Variants in IQUB observed in about 807,000 individuals in gnomAD.
IQUB encodes the protein IQ motif and ubiquitin-like domain-containing protein.
In IQUB, 86 loss-of-function variants were observed where a neutral mutation model predicts 86.4. The ratio of observed to expected loss-of-function variants is 1.00; its 90% CI spans 0.84 to 1.19. The LOEUF is 1.19. IQUB is among the 50% of genes most tolerant of loss of function. The pLI is 0.00. For missense variants in IQUB, 946 were observed against 916.9 expected (o/e 1.03, Z -0.41); for synonymous variants, 289 against 304.5 (o/e 0.95, Z 0.53).
intron 1 of IQUB, among the ~76,000 whole-genome samples, chr7:123,533,107 A>C (rs1797622444): frequency 6.6e-6 from 1 of 152,198 alleles, no homozygotes; most frequent in South Asian, 2.1e-4. Context: ...GCGACATGGG[A>C]AGTCCGCCGG....
At chr7:123,508,728 C>T (rs890061384) in intron 3 of IQUB, among the ~76,000 whole-genome samples, 1 of 152,174 alleles carries the variant, frequency 6.6e-6, no homozygotes, top group Non-Finnish European at 1.5e-5. Context: ...TTCAAATTCC[C>T]TCTGGAGTCA....
intron 3 of IQUB, among the ~76,000 whole-genome samples, chr7:123,507,198 A>G (rs1796217841): frequency 6.6e-6 from 1 of 152,352 alleles, no homozygotes; most frequent in African/African-American, 2.4e-5. Context: ...TGACTTTATG[A>G]TGATGCAAAA....
At chr7:123,507,401 A>C (rs1796228709) in intron 3 of IQUB, among the ~76,000 whole-genome samples, 1 of 152,192 alleles carries the variant, frequency 6.6e-6, no homozygotes, top group Non-Finnish European at 1.5e-5. Context: ...TAAGCTATGA[A>C]GTTTGGTAGG....
chr7:123,468,996 A>G (rs1215943975), intron 9 of IQUB, among the ~76,000 whole-genome samples: 1 of 152,214 alleles, frequency 6.6e-6, no homozygotes, highest in Non-Finnish European at 1.5e-5. Flanking sequence ...ATATATTTGC[A>G]TTCATTGCAT....
At chr7:123,523,076 G>A (rs1796992857) in intron 1 of IQUB, among the ~76,000 whole-genome samples, 1 of 150,830 alleles carries the variant, frequency 6.6e-6, no homozygotes, top group African/African-American at 2.4e-5. Flanking sequence ...GTGTATATGT[G>A]CCACATTTTC....
chr7:123,468,678 G>A (rs972970680), intron 9 of IQUB, among the ~76,000 whole-genome samples: 4 of 152,112 alleles, frequency 2.6e-5, no homozygotes, highest in Non-Finnish European at 4.4e-5. Context: ...CTATCCTCCC[G>A]ATTCTGATTT....
At chr7:123,453,263 AATAT>A (rs72054596) in intron 12 of IQUB, among the ~76,000 whole-genome samples, 27 of 138,202 alleles carry the variant, frequency 2.0e-4, no homozygotes, top group South Asian at 1.4e-3. Context: ...ATCTAGTTAG[AATAT>A]ATATATATAT....
chr7:123,473,279 C>T (rs1050662961), intron 8 of IQUB, among the ~76,000 whole-genome samples: 8 of 152,258 alleles, frequency 5.3e-5, no homozygotes, highest in African/African-American at 1.9e-4. Flanking sequence ...CACTTTCCTG[C>T]CCCATTAACT....
chr7:123,459,501 ATT>A (rs1307787191), intron 11 of IQUB, among the ~76,000 whole-genome samples: 1 of 151,960 alleles, frequency 6.6e-6, no homozygotes, highest in African/African-American at 2.4e-5. Flanking sequence ...TGGCCATTGA[ATT>A]GAGACACTGG....
chr7:123,530,833 T>C (rs1479896301), intron 1 of IQUB, among the ~76,000 whole-genome samples: 1 of 152,000 alleles, frequency 6.6e-6, no homozygotes, highest in Non-Finnish European at 1.5e-5. Flanking sequence ...CCCCCCACCA[T>C]GCCTGGCCAA....
At chr7:123,462,489 T>A (rs549398907) in intron 10 of IQUB, among the ~76,000 whole-genome samples, 12 of 151,874 alleles carry the variant, frequency 7.9e-5, no homozygotes, top group South Asian at 4.1e-4. Flanking sequence ...TCCTAAACAC[T>A]CCATCTTCCC....
At chr7:123,486,707 TA>T in intron 7 of IQUB, among the ~76,000 whole-genome samples, 1 of 152,294 alleles carries the variant, frequency 6.6e-6, no homozygotes, top group Non-Finnish European at 1.5e-5. Flanking sequence ...TTGACTGTTT[TA>T]CAGATTTCAT....
At chr7:123,502,887 A>G (rs2117205602) in intron 5 of IQUB, 57 bp downstream of exon 5, 1 of 1,455,250 alleles carries the variant, frequency 6.9e-7, no homozygotes, top group East Asian at 2.3e-5. Flanking sequence ...AGAGTCATAC[A>G]GTACAATTAT....
chr7:123,486,039 G>C (rs1026775122), intron 7 of IQUB, among the ~76,000 whole-genome samples: 8 of 152,168 alleles, frequency 5.3e-5, no homozygotes. Context: ...ACAGCTGGAA[G>C]TCAGGACTCT....
intron 8 of IQUB, among the ~76,000 whole-genome samples, chr7:123,475,045 T>C (rs934955506): frequency 3.9e-5 from 6 of 152,166 alleles, no homozygotes; most frequent in Non-Finnish European, 8.8e-5. Flanking sequence ...TCTGGTTTCC[T>C]CTCCCTTTCC....
intron 1 of IQUB, chr7:123,532,816 G>A (rs1797599106): frequency 6.6e-6 from 1 of 152,238 alleles, no homozygotes; most frequent in African/African-American, 2.4e-5. Context: ...TGCCCCTCTG[G>A]GGCCTGCGAG....
At chr7:123,467,167 C>G (rs916717570) in intron 9 of IQUB, among the ~76,000 whole-genome samples, 1 of 151,064 alleles carries the variant, frequency 6.6e-6, no homozygotes, top group Non-Finnish European at 1.5e-5. Context: ...AATGTAAGCT[C>G]AATATTTCCT....
chr7:123,453,283 T>TATATATA (rs1793526522), intron 12 of IQUB, among the ~76,000 whole-genome samples: 1 of 145,770 alleles, frequency 6.9e-6, no homozygotes, highest in Admixed American at 6.9e-5. Flanking sequence ...TATATATATA[T>TATATATA]ATTATTAATG....
In IQUB at chr7:123,461,365, A is replaced by C. The variant is rs767122128; in HGVS notation, c.1999T>G (p.Leu667Val). The C allele has an allele frequency of 3.7e-6, 6 of 1,605,802 alleles. No homozygotes were observed. In the South Asian group the frequency reaches 6.6e-5, roughly 18 times the overall value. Residue 667 changes from leucine to valine, a missense_variant, in exon 11 of 13, where the codon TTG becomes GTG. Transcript: ENST00000324698. Reference sequence around the variant, plus strand: ...CCCCTTATTGACCATACCTGCATCAAGAAAGCAATTTTAGAATCATCTTCA... The same window carrying C: ...CCCCTTATTGACCATACCTGCATCACGAAAGCAATTTTAGAATCATCTTCA... ...DYEDDSKIAF[L>V]MQLQDIQYLT...
Sources: gnomAD v4.1 joint callset for allele counts (sites outside exome capture counted in the v4.1 genomes callset) on GRCh38, gnomAD v4.1.1 for gene constraint, MANE v1.5 for transcripts, NCBI Gene and HGNC (gene_info 2026-07-23, HGNC 2026-07-21) for gene names.